Variants in CSNK2A2 observed in about 807,000 individuals in gnomAD.
CSNK2A2 encodes the protein casein kinase II subunit alpha'.
A neutral mutation model predicts 54.0 loss-of-function variants in CSNK2A2; 8 were observed. The ratio of observed to expected loss-of-function variants is 0.15; its 90% CI spans 0.09 to 0.27. CSNK2A2 has a LOEUF of 0.27. CSNK2A2 is among the 10% of genes least tolerant of loss of function. CSNK2A2 has a pLI of 1.00. For missense variants in CSNK2A2, 242 were observed against 439.4 expected (o/e 0.55, Z 4.02); for synonymous variants, 141 against 153.9 (o/e 0.92, Z 0.62).
intron 10 of CSNK2A2, among the ~76,000 whole-genome samples, chr16:58,164,773 T>G (rs550913458): frequency 1.3e-5 from 2 of 152,294 alleles, no homozygotes; most frequent in African/African-American, 4.8e-5. Flanking sequence ...CCCTTATGCA[T>G]ATGGGCCACA....
In CSNK2A2 at chr16:58,196,222, C is replaced by G. The variant is rs558626010; in HGVS notation, c.216+511G>C. 3.9e-5 allele frequency among the ~76,000 whole-genome samples: 6 copies of G among 152,312 alleles called. No individual in the cohort carries two copies. In the South Asian group the frequency reaches 1.2e-3, roughly 32 times the overall value. On this transcript the variant is annotated intron_variant, in intron 2 of 11. Transcript: ENST00000262506. ...TTTACATTTTAGAACAAACACTTTA[C>G]TGAACTTAGATTTGTGATGTCTGCA...
At chr16:58,185,821 CG>C (rs1345728187) in intron 3 of CSNK2A2, among the ~76,000 whole-genome samples, 2 of 152,196 alleles carry the variant, frequency 1.3e-5, no homozygotes, top group Admixed American at 1.3e-4. Context: ...CTGCAAACTA[CG>C]GTTTTCTCAT....
chr16:58,177,438 A>G (rs1003550127), intron 4 of CSNK2A2, among the ~76,000 whole-genome samples: 1 of 152,180 alleles, frequency 6.6e-6, no homozygotes, highest in African/African-American at 2.4e-5. Context: ...TTAGCTCCAA[A>G]AAGTCTGAGG....
intron 11 of CSNK2A2, chr16:58,162,711 C>G (rs1463705959): frequency 6.6e-6 from 1 of 152,198 alleles, no homozygotes; most frequent in South Asian, 2.1e-4. Flanking sequence ...GGCCCTGCAG[C>G]TGGGGTGAGG....
chr16:58,175,914 G>A (rs1283087840), intron 4 of CSNK2A2, among the ~76,000 whole-genome samples: 2 of 152,164 alleles, frequency 1.3e-5, no homozygotes, highest in Non-Finnish European at 2.9e-5. Context: ...CCCCATTCAG[G>A]CAGAACAACA....
In CSNK2A2 at chr16:58,197,616, G is replaced by A. The variant is rs1304584228; in HGVS notation, c.104+17C>T. The A allele has an allele frequency of 4.6e-6, 7 of 1,529,458 alleles. No homozygotes were observed. The highest frequency in any genetic ancestry group is 6.2e-6 in the Non-Finnish European group (7 of 1,132,986). 94.7% of individuals were successfully genotyped at this position (1,529,458 alleles called of 1,614,324 possible). ...GCAGGGATCAGCGGGCCCGGCGGGG[G>A]GCGGCGACGGCTTTACCCCCAGCTC... On this transcript the variant is annotated intron_variant, in intron 1 of 11. Transcript: ENST00000262506. The surrounding 1 kb of genome is among the most constrained non-coding windows in gnomAD (Gnocchi z 4.0).
At chr16:58,189,617 A>G (rs1381536773) in intron 2 of CSNK2A2, among the ~76,000 whole-genome samples, 1 of 152,224 alleles carries the variant, frequency 6.6e-6, no homozygotes, top group East Asian at 1.9e-4. Context: ...TAGCAACTGA[A>G]GCATATTTTG....
chr16:58,162,616 T>C (rs1597106419), intron 11 of CSNK2A2: 1 of 152,178 alleles, frequency 6.6e-6, no homozygotes, highest in African/African-American at 2.4e-5. Context: ...CATTATTAAA[T>C]AGTTAATAAA....
rs533745432 is a variant in CSNK2A2, at chr16:58,178,283, CTTTT to C, written c.370-3777_370-3774del. Among the ~76,000 whole-genome samples the C allele has an allele frequency of 1.2e-4, 18 of 149,314 alleles. No individual in the cohort carries two copies. The East Asian group carries it at 3.6e-3, about 30-fold the overall frequency. On this transcript the variant is annotated intron_variant, in intron 4 of 11. Transcript: ENST00000262506. Reference sequence around the variant, plus strand: ...TAGTACCTTAGCTTCTCTTGAGGCGCTTTTTTTTTCTTTCAATTGAGATGGAGTC... The same window carrying C: ...TAGTACCTTAGCTTCTCTTGAGGCGCTTTTTCTTTCAATTGAGATGGAGTC...
chr16:58,196,917 T>C lies in CSNK2A2; in HGVS notation c.105-73A>G, dbSNP rs892895240. ...AAGCCTATGCCCACTGTACACGTCA[T>C]TCAGCCGCTTCCACCAGGCAAACAC... On this transcript the variant is annotated intron_variant, in intron 1 of 11. Transcript: ENST00000262506. 4 of 902,078 alleles carry C rather than the reference T, an allele frequency of 4.4e-6. No homozygotes were observed. The South Asian group carries it at 5.2e-5, about 12-fold the overall frequency. 55.9% of individuals were successfully genotyped at this position (902,078 alleles called of 1,614,324 possible).
At chr16:58,167,919 G>A (rs1567464371) in intron 6 of CSNK2A2, 124 bp from the exon 7 acceptor site, 1 of 706,214 alleles carries the variant, frequency 1.4e-6, no homozygotes, top group African/African-American at 1.8e-5. Flanking sequence ...CAGGTGCACT[G>A]GCTTAAAAAT....
At chr16:58,188,885 T>TA (rs1962258859) in intron 2 of CSNK2A2, among the ~76,000 whole-genome samples, 1 of 151,684 alleles carries the variant, frequency 6.6e-6, no homozygotes, top group Non-Finnish European at 1.5e-5. Flanking sequence ...GTGAAACAGA[T>TA]ATGGGAATTC....
At position 58,197,783 on chromosome 16, in the gene CSNK2A2, G is replaced by A. The variant is rs1962511383; in HGVS notation, c.-47C>T. 2 of 578,712 alleles carry A rather than the reference G, an allele frequency of 3.5e-6. No individual in the cohort carries two copies. Among genetic ancestry groups the A allele is most frequent in the Non-Finnish European group, 4.4e-6 (2 of 458,590 alleles). 35.8% of individuals were successfully genotyped at this position (578,712 alleles called of 1,614,324 possible). On this transcript the variant is annotated 5_prime_UTR_variant, in exon 1 of 12. Transcript: ENST00000262506. This position sits in a 1 kb window ranked among gnomAD's most constrained non-coding sequence, Gnocchi z 4.0. Reference sequence around the variant, plus strand: ...GCGCGGGGCGCAGAGGGTGGCGGCGGCGGCGCGGCGGGGGACGCGGGGCGT... The same window carrying A: ...GCGCGGGGCGCAGAGGGTGGCGGCGACGGCGCGGCGGGGGACGCGGGGCGT...
intron 7 of CSNK2A2, among the ~76,000 whole-genome samples, 188 bp from the exon 8 acceptor site, chr16:58,167,496 T>C (rs1961601253): frequency 6.6e-6 from 1 of 152,202 alleles, no homozygotes; most frequent in Non-Finnish European, 1.5e-5. Context: ...ATTTAACCTT[T>C]GCAGATATTT....
chr16:58,196,420 A>G lies in CSNK2A2; in HGVS notation c.216+313T>C, dbSNP rs77325010. Among the ~76,000 whole-genome samples, 10,736 of 152,214 alleles carry G rather than the reference A, an allele frequency of 0.071. 478 individuals carry two copies. Among genetic ancestry groups the G allele is most frequent in the South Asian group, 0.21 (1,010 of 4,818 alleles). ...AGGACTGCTTGAGCTCAGGAGCTTA[A>G]GACCAGCCTGGGCAACATGACCAGA... is the stretch of plus-strand genomic sequence containing the variant. On this transcript the variant is annotated intron_variant, in intron 2 of 11. Transcript: ENST00000262506.
Position 58,186,779 on chromosome 16 carries a change from C to T in CSNK2A2, c.294G>A (p.Leu98=). The T allele has an allele frequency of 6.2e-7, 1 of 1,614,060 alleles. No homozygotes were observed. Among genetic ancestry groups the T allele is most frequent in the Non-Finnish European group, 8.5e-7 (1 of 1,179,942 alleles). ...NLRGGTNIIK[L]IDTVKDPVSK... is the part of the protein sequence containing the mutation. ...CCACGGGGTCCTTTACAGTGTCAATCAGCTTAATGATATTTGTTCCACCAC... is the reference window on the plus strand; with the variant it reads ...CCACGGGGTCCTTTACAGTGTCAATTAGCTTAATGATATTTGTTCCACCAC... Residue 98 remains leucine, a synonymous_variant, in exon 3 of 12, where the codon CTG becomes CTA. Transcript: ENST00000262506.
intron 9 of CSNK2A2, 102 bp from the exon 10 acceptor site, chr16:58,165,810 T>TACA (rs1961546091): frequency 8.0e-7 from 1 of 1,255,602 alleles, no homozygotes; most frequent in African/African-American, 1.5e-5. Context: ...ATGTACTGAT[T>TACA]ACAAGCTTGT....
At chr16:58,194,324 T>G (rs1962381630) in intron 2 of CSNK2A2, among the ~76,000 whole-genome samples, 1 of 152,326 alleles carries the variant, frequency 6.6e-6, no homozygotes, top group South Asian at 2.1e-4. Flanking sequence ...AAACACAACT[T>G]TGGCTAAAGA....
intron 5 of CSNK2A2, among the ~76,000 whole-genome samples, chr16:58,171,979 A>ATATATATATATATATATATTTT (rs1261137669): frequency 4.5e-5 from 3 of 66,186 alleles, no homozygotes; most frequent in Non-Finnish European, 7.5e-5. Context: ...ATATATATAT[A>ATATATATATATATATATATTTT]TTTTTTTTTT....
Sources: gnomAD v4.1 joint callset for allele counts (sites outside exome capture counted in the v4.1 genomes callset) on GRCh38, gnomAD v4.1.1 for gene constraint, Gnocchi (gnomAD v3.1) non-coding constraint, MANE v1.5 for transcripts, NCBI Gene and HGNC (gene_info 2026-07-23, HGNC 2026-07-21) for gene names.